PRPF38B: variants seen among roughly 807,000 people sequenced by gnomAD.
PRPF38B encodes pre-mRNA-splicing factor 38B.
In PRPF38B, 18 loss-of-function variants were observed where a neutral mutation model predicts 67.2. The ratio of observed to expected loss-of-function variants is 0.27; its 90% CI spans 0.19 to 0.40. The LOEUF is 0.40. PRPF38B is among the 10% of genes least tolerant of loss of function. The pLI, the probability that PRPF38B is intolerant of heterozygous loss-of-function variation, is 1.00. For synonymous variants in PRPF38B, 246 were observed against 234.2 expected (o/e 1.05, Z -0.46); for missense variants, 544 against 684.9 (o/e 0.79, Z 2.30).
rs745576150 is a variant in PRPF38B at position 108,695,711 on chromosome 1, G to A, written c.286G>A (p.Val96Ile). Residue 96 changes from valine (V) to isoleucine (I), a missense_variant, in exon 2 of 6, where the codon GTT (valine) becomes ATT (isoleucine). Coordinates refer to ENST00000370025, the MANE Select transcript of PRPF38B (RefSeq NM_018061.4). ...VDEIYFKVTHVEPWEKGSRKT... is the reference protein window; with the variant it reads ...VDEIYFKVTHIEPWEKGSRKT... ...TCTTTTCTATTTTCAGGTCACGCAC[G>A]TTGAACCATGGGAGAAAGGAAGCAG... 1.5e-5 allele frequency: 25 copies of A among 1,613,812 alleles called. No homozygotes were observed. Among genetic ancestry groups the A allele is most frequent in the South Asian group, 8.8e-5 (8 of 91,070 alleles).
chr1:108,702,908 A>G lies in PRPF38B; in HGVS notation c.*2888A>G, dbSNP rs1454671962. Among the ~76,000 whole-genome samples the G allele has an allele frequency of 2.0e-5, 3 of 152,218 alleles. No individual in the cohort carries two copies. Among genetic ancestry groups the G allele is most frequent in the African/African-American group, 7.2e-5 (3 of 41,456 alleles). ...GTTTTTAATGTTCAATTTGCAATTA[A>G]ATTCTATACATGGGCGAGTATATCA... On this transcript the variant is annotated 3_prime_UTR_variant, in exon 6 of 6. Transcript: ENST00000370025.
rs975717510 is a variant in PRPF38B at position 108,699,638 on chromosome 1, A to G, written c.1259A>G (p.Lys420Arg). The G allele has an allele frequency of 6.4e-7, 1 of 1,560,126 alleles. No individual in the cohort carries two copies. Among genetic ancestry groups the G allele is most frequent in the Non-Finnish European group, 8.7e-7 (1 of 1,151,972 alleles). Residue 420 changes from lysine (K) to arginine (R), a missense_variant, in exon 6 of 6, where the codon AAG becomes AGG. Around this residue, in one of 5 missense-constraint regions of PRPF38B, gnomAD observed 387 missense variants for 386.1 expected, o/e 1.00. Coordinates refer to ENST00000370025, the MANE Select transcript of PRPF38B (RefSeq NM_018061.4). ...CACAGAGATGACAAAAGAGATTCCA[A>G]GAAAGAGAAAAAACACAGTAGAAGC... Reference protein sequence around the residue: ...RRHRDDKRDSKKEKKHSRSRS... With the variant: ...RRHRDDKRDSRKEKKHSRSRS...
At chr1:108,694,716 G>C (rs1046797119) in intron 1 of PRPF38B, among the ~76,000 whole-genome samples, 15 of 152,012 alleles carry the variant, frequency 9.9e-5, no homozygotes, top group Admixed American at 5.2e-4. Flanking sequence ...GGTGGAAATA[G>C]AATTTTAGAA....
chr1:108,699,070 A>G lies in PRPF38B; in HGVS notation c.783-92A>G, dbSNP rs1032332922. 17 of 1,516,768 alleles carry G rather than the reference A, an allele frequency of 1.1e-5. No individual in the cohort carries two copies. In the African/African-American group the frequency reaches 2.4e-4, roughly 21 times the overall value. 94.0% of individuals were successfully genotyped at this position (1,516,768 alleles called of 1,614,324 possible). On this transcript the variant is annotated intron_variant, in intron 5 of 5. Coordinates refer to ENST00000370025, the MANE Select transcript of PRPF38B (RefSeq NM_018061.4). ...TTGACATGGCCTTAAGCTTGAGGAC[A>G]TGAATAAATAATGCTGTTGAAAGTT...
chr1:108,692,732 C>G lies in PRPF38B; in HGVS notation c.141C>G (p.Leu47=). The part of the protein sequence containing the change: ...PAVSGKQGNV[L]PLWGNEKTMN... The stretch of plus-strand genomic sequence containing the variant: ...TCTCCGGCAAGCAGGGCAATGTGCT[C>G]CCGCTCTGGGGCAACGAGAAGACCA... Residue 47 remains leucine (L), a synonymous_variant, in exon 1 of 6, where the codon CTC becomes CTG. Transcript: ENST00000370025. 2 of 1,613,908 alleles carry G rather than the reference C, an allele frequency of 1.2e-6. No homozygotes were observed. The highest frequency in any genetic ancestry group is 8.5e-7 in the Non-Finnish European group (1 of 1,180,034).
At position 108,695,896 on chromosome 1, in the gene PRPF38B, A is replaced by AGT; in HGVS notation, c.345+128_345+129dup. Reference sequence around the variant, plus strand: ...TTTTTTAATCCAAATTCAAGTGTTCAGTGAAATAGGGTTAGAAAAGTGTTA... The same window carrying AGT: ...TTTTTTAATCCAAATTCAAGTGTTCAGTGTGAAATAGGGTTAGAAAAGTGTTA... On this transcript the variant is annotated intron_variant, in intron 2 of 5. Transcript: ENST00000370025. The AGT allele has an allele frequency of 4.4e-6, 6 of 1,356,696 alleles. 1 individual carries two copies. In the South Asian group the frequency reaches 8.0e-5, roughly 18 times the overall value. 84.0% of individuals were successfully genotyped at this position (1,356,696 alleles called of 1,614,324 possible). A position where few individuals can be genotyped will look rare whatever the true frequency, so the allele number is the denominator to read the frequency against.
intron 5 of PRPF38B, 125 bp downstream of exon 5, chr1:108,698,952 C>G: frequency 7.7e-7 from 1 of 1,290,362 alleles, no homozygotes; most frequent in Non-Finnish European, 1.0e-6. Context: ...GTCACTTTTA[C>G]CCCCCAAAGA....
chr1:108,699,695 G>T lies in PRPF38B; in HGVS notation c.1316G>T (p.Ser439Ile). The T allele has an allele frequency of 6.2e-7, 1 of 1,605,076 alleles. No homozygotes were observed. Among genetic ancestry groups the T allele is most frequent in the Non-Finnish European group, 8.5e-7 (1 of 1,175,200 alleles). Residue 439 changes from serine (S) to isoleucine (I), a missense_variant, in exon 6 of 6, where the codon AGT (serine) becomes ATT (isoleucine). Coordinates refer to ENST00000370025, the MANE Select transcript of PRPF38B (RefSeq NM_018061.4). Reference sequence around the variant, plus strand: ...AGAGAAAGGAAACACAGAAGTAGGAGTCGAAGTAGAAATGCAGGGAAACGA... The same window carrying T: ...AGAGAAAGGAAACACAGAAGTAGGATTCGAAGTAGAAATGCAGGGAAACGA... ...RSRERKHRSRSRSRNAGKRSR... is the reference protein window; with the variant it reads ...RSRERKHRSRIRSRNAGKRSR...
At position 108,700,642 on chromosome 1, in the gene PRPF38B, T is replaced by G. The variant is rs1189205871; in HGVS notation, c.*622T>G. On this transcript the variant is annotated 3_prime_UTR_variant, in exon 6 of 6. Transcript: ENST00000370025. ...AGAAGTTAGTTTCTGATGCAGAGGT[T>G]TTTAGGCTGTGATTTCATCAAAAGT... 2.0e-5 allele frequency: 3 copies of G among 152,672 alleles called. No homozygotes were observed. The highest frequency in any genetic ancestry group is 4.4e-5 in the Non-Finnish European group (3 of 68,036). The allele number at this position is 152,672 out of a possible 1,614,324, so 9.5% of individuals were successfully genotyped here.
rs1029057704 is a variant in PRPF38B at position 108,701,003 on chromosome 1, A to G, written c.*983A>G. The G allele has an allele frequency of 1.3e-5, 2 of 152,554 alleles. No homozygotes were observed. Among genetic ancestry groups the G allele is most frequent in the African/African-American group, 2.4e-5 (1 of 41,446 alleles). The allele number at this position is 152,554 out of a possible 1,614,324, so 9.5% of individuals were successfully genotyped here. On this transcript the variant is annotated 3_prime_UTR_variant, in exon 6 of 6. Transcript: ENST00000370025. ...TTTTTTAAAATTCAGAACTTTTTTTATTGATAATGGAGATTGCTGTTTGAG... is the reference window on the plus strand; with the variant it reads ...TTTTTTAAAATTCAGAACTTTTTTTGTTGATAATGGAGATTGCTGTTTGAG...
At position 108,701,789 on chromosome 1, in the gene PRPF38B, G is replaced by A. The variant is rs1036563849; in HGVS notation, c.*1769G>A. ...CCATTTTAGAAAAATCTCATTAAAT[G>A]AATTCTTCTAAAAATGATATGCTTT... is the stretch of plus-strand genomic sequence containing the variant. On this transcript the variant is annotated 3_prime_UTR_variant, in exon 6 of 6. Coordinates refer to ENST00000370025, the MANE Select transcript of PRPF38B (RefSeq NM_018061.4). The A allele has an allele frequency of 6.6e-6, 1 of 152,184 alleles. No homozygotes were observed. The highest frequency in any genetic ancestry group is 1.5e-5 in the Non-Finnish European group (1 of 68,034). The allele number at this position is 152,184 out of a possible 1,614,324, so 9.4% of individuals were successfully genotyped here. A position where few individuals can be genotyped will look rare whatever the true frequency, so the allele number is the denominator to read the frequency against.
chr1:108,692,386 C>T lies in PRPF38B; in HGVS notation c.-206C>T. 3.4e-6 allele frequency: 2 copies of T among 591,794 alleles called. No individual in the cohort carries two copies. The highest frequency in any genetic ancestry group is 1.9e-5 in the African/African-American group (1 of 52,868). The allele number at this position is 591,794 out of a possible 1,614,324, so 36.7% of individuals were successfully genotyped here. A position where few individuals can be genotyped will look rare whatever the true frequency, so the allele number is the denominator to read the frequency against. On this transcript the variant is annotated 5_prime_UTR_variant, in exon 1 of 6. Transcript: ENST00000370025. Reference sequence around the variant, plus strand: ...GCTCGCCTTCTGCGTGGAGTTCTCGCGGTCTGGGTTTCGCTGTCTGCTCTT... The same window carrying T: ...GCTCGCCTTCTGCGTGGAGTTCTCGTGGTCTGGGTTTCGCTGTCTGCTCTT...
At chr1:108,696,693 C>G in intron 4 of PRPF38B, 1 of 715,104 alleles carries the variant, frequency 1.4e-6, no homozygotes, top group Non-Finnish European at 2.6e-6. Flanking sequence ...AAAAGATATG[C>G]ACATAGAATA....
Position 108,699,440 on chromosome 1 carries a change from G to A in PRPF38B, c.1061G>A (p.Arg354Gln), listed in dbSNP as rs1158752325. 2.5e-6 allele frequency: 4 copies of A among 1,613,502 alleles called. No homozygotes were observed. The highest frequency in any genetic ancestry group is 2.2e-5 in the East Asian group (1 of 44,870). The change falls in exon 6 of 6, where the codon CGA becomes CAA. Residue 354 changes from arginine to glutamine, a missense_variant. Transcript: ENST00000370025. The part of the protein sequence containing the change: ...DRKGDRRDRD[R>Q]EREKENERGR... Reference sequence around the variant, plus strand: ...AAAGGGGATAGAAGGGACAGGGATCGAGAAAGAGAGAAAGAAAATGAGAGA... The same window carrying A: ...AAAGGGGATAGAAGGGACAGGGATCAAGAAAGAGAGAAAGAAAATGAGAGA...
Position 108,699,334 on chromosome 1 carries a change from C to G in PRPF38B, c.955C>G (p.Arg319Gly). 1.9e-6 allele frequency: 3 copies of G among 1,613,918 alleles called. No individual in the cohort carries two copies. The South Asian group carries it at 3.3e-5, about 18-fold the overall frequency. The part of the protein sequence containing the change: ...KEREKERRRS[R>G]SIDRGLERRR... The stretch of plus-strand genomic sequence containing the variant: ...AAGGGAGAAAGAACGGCGAAGATCC[C>G]GAAGTATTGACCGGGGGTTAGAACG... The change falls in exon 6 of 6, where the codon CGA becomes GGA. Residue 319 changes from arginine (R) to glycine (G), a missense_variant. By Grantham distance (125) the Arg-to-Gly change is moderately radical. Around this residue, in one of 5 missense-constraint regions of PRPF38B, gnomAD observed 387 missense variants for 386.1 expected, o/e 1.00. Transcript: ENST00000370025.
At position 108,700,074 on chromosome 1, in the gene PRPF38B, T is replaced by G. The variant is rs569009206; in HGVS notation, c.*54T>G. 2 of 1,524,846 alleles carry G rather than the reference T, an allele frequency of 1.3e-6. No homozygotes were observed. Among genetic ancestry groups the G allele is most frequent in the Non-Finnish European group, 1.8e-6 (2 of 1,142,590 alleles). 94.5% of individuals were successfully genotyped at this position (1,524,846 alleles called of 1,614,324 possible). On this transcript the variant is annotated 3_prime_UTR_variant, in exon 6 of 6. Transcript: ENST00000370025. ...AATCCTATAAATGATTAAATCTGCT[T>G]TTTTCCCCCACGTTGAGATTGTGCA...
chr1:108,692,676 T>TGCG lies in PRPF38B; in HGVS notation c.98_100dup (p.Gly33dup), dbSNP rs745411650. 1.9e-4 allele frequency: 306 copies of TGCG among 1,612,416 alleles called. No homozygotes were observed. Among genetic ancestry groups the TGCG allele is most frequent in the East Asian group, 5.1e-4 (23 of 44,824 alleles). Reference sequence around the variant, plus strand: ...AGCTGCGGCTCAGCAACAGCAGCAGTGCGGCGGCGGCGGCGCTACCAAGCC... The same window carrying TGCG: ...AGCTGCGGCTCAGCAACAGCAGCAGTGCGGCGGCGGCGGCGGCGCTACCAAGCC... On this transcript the variant is annotated inframe_insertion, in exon 1 of 6. Coordinates refer to ENST00000370025, the MANE Select transcript of PRPF38B (RefSeq NM_018061.4).
In PRPF38B at chr1:108,699,345, C is replaced by T; in HGVS notation, c.966C>T (p.Asp322=). ...EKERRRSRSI[D]RGLERRRSRS... is the part of the protein sequence containing the mutation. ...AACGGCGAAGATCCCGAAGTATTGA[C>T]CGGGGGTTAGAACGCAGGCGCAGCA... Residue 322 remains aspartate, a synonymous_variant, in exon 6 of 6, where the codon GAC becomes GAT. Coordinates refer to ENST00000370025, the MANE Select transcript of PRPF38B (RefSeq NM_018061.4). The T allele has an allele frequency of 1.2e-6, 2 of 1,613,994 alleles. No homozygotes were observed. The highest frequency in any genetic ancestry group is 1.7e-6 in the Non-Finnish European group (2 of 1,179,994).
In PRPF38B at chr1:108,700,137, T is replaced by G; in HGVS notation, c.*117T>G. On this transcript the variant is annotated 3_prime_UTR_variant, in exon 6 of 6. Transcript: ENST00000370025. ...CCTCAAGCTCTCCCTGTAGGCTGCA[T>G]TTTCATTTCCTCTTTCGTGTAGGGA... The G allele has an allele frequency of 7.0e-7, 1 of 1,426,054 alleles. No individual in the cohort carries two copies. The highest frequency in any genetic ancestry group is 9.2e-7 in the Non-Finnish European group (1 of 1,085,336). 88.3% of individuals were successfully genotyped at this position (1,426,054 alleles called of 1,614,324 possible).
Sources: gnomAD v4.1 joint callset for allele counts (sites outside exome capture counted in the v4.1 genomes callset) on GRCh38, gnomAD v4.1.1 for gene constraint, gnomAD v4.1.1 regional missense constraint, MANE v1.5 for transcripts, NCBI Gene and HGNC (gene_info 2026-07-23, HGNC 2026-07-21) for gene names.